ADAMTSL1: variants seen among roughly 807,000 people sequenced by gnomAD.
ADAMTSL1 encodes ADAMTS-like protein 1.
ADAMTSL1 carries 126 observed loss-of-function variants against 201.8 expected under a neutral mutation model. That is an observed-to-expected ratio of 0.62 (90% confidence interval 0.54 to 0.72). The LOEUF (loss-of-function observed/expected upper bound fraction) is 0.72, where lower values mean the gene tolerates loss of function less well. Among genes scored for constraint, ADAMTSL1 ranks in the 30% least tolerant of loss-of-function variants. The pLI is 0.00. For synonymous variants in ADAMTSL1, 1,121 were observed against 903.4 expected (o/e 1.24, Z -4.32); for missense variants, 2,679 against 2,277.8 (o/e 1.18, Z -3.59).
In ADAMTSL1 at chr9:18,127,699, G is replaced by C. The variant is rs188544444; in HGVS notation, c.88-36163G>C. ...GAGTCTTCGCTGTCAGCACTGAGAA[G>C]GTTAGTGACCTTGGGAATGGGTGGG... On this transcript the variant is annotated intron_variant, in intron 1 of 29. Coordinates refer to the ADAMTSL1 transcript ENST00000680146. Among the ~76,000 whole-genome samples, 210 of 152,268 alleles carry C rather than the reference G, an allele frequency of 1.4e-3. 1 individual carries two copies. The highest frequency in any genetic ancestry group is 4.3e-3 in the African/African-American group (179 of 41,552).
intron 4 of ADAMTSL1, among the ~76,000 whole-genome samples, chr9:18,584,368 C>G (rs1452862307): frequency 1.2e-5 from 1 of 81,988 alleles, no homozygotes; most frequent in African/African-American, 5.4e-5. Flanking sequence ...GATTGTGAGG[C>G]CCCCCCCAGC....
intron 1 of ADAMTSL1, among the ~76,000 whole-genome samples, chr9:18,135,908 C>G (rs1259818706): frequency 6.6e-6 from 1 of 152,126 alleles, no homozygotes; most frequent in African/African-American, 2.4e-5. Context: ...TGGCATACCC[C>G]TCACTCAATC....
At chr9:18,206,408 A>T (rs1034367888) in intron 2 of ADAMTSL1, among the ~76,000 whole-genome samples, 1 of 152,088 alleles carries the variant, frequency 6.6e-6, no homozygotes, top group African/African-American at 2.4e-5. Flanking sequence ...TCCCTATCTC[A>T]AATTTCCTTC....
At chr9:18,770,525 TTAAGA>T in intron 16 of ADAMTSL1, 72 bp from the exon 17 acceptor site, 1 of 1,399,570 alleles carries the variant, frequency 7.1e-7, no homozygotes, top group Non-Finnish European at 9.6e-7. Flanking sequence ...CTCTGCCAAA[TTAAGA>T]TAAGAATTAG....
At chr9:18,805,422 G>C (rs1304371274) in intron 20 of ADAMTSL1, among the ~76,000 whole-genome samples, 1 of 152,168 alleles carries the variant, frequency 6.6e-6, no homozygotes, top group Non-Finnish European at 1.5e-5. Flanking sequence ...GAAGGTCCCA[G>C]CACTGCTCCT....
chr9:18,868,735 C>T (rs980383692), intron 23 of ADAMTSL1, among the ~76,000 whole-genome samples: 8 of 152,214 alleles, frequency 5.3e-5, no homozygotes, highest in Non-Finnish European at 1.0e-4. Context: ...GGAATTTATG[C>T]AGATTTTGGG....
chr9:18,022,110 G>T (rs1473905263), intron 1 of ADAMTSL1, among the ~76,000 whole-genome samples: 1 of 152,066 alleles, frequency 6.6e-6, no homozygotes, highest in Non-Finnish European at 1.5e-5. Flanking sequence ...GGCCTGTGAT[G>T]TGTCTAAACC....
intron 1 of ADAMTSL1, among the ~76,000 whole-genome samples, chr9:17,999,581 C>G: frequency 6.7e-6 from 1 of 148,626 alleles, no homozygotes; most frequent in Admixed American, 6.7e-5. Context: ...TTTTAGTGTG[C>G]CCCCCAGAAA....
intron 2 of ADAMTSL1, among the ~76,000 whole-genome samples, chr9:18,507,061 T>C (rs1346165088): frequency 6.6e-6 from 1 of 152,168 alleles, no homozygotes; most frequent in Non-Finnish European, 1.5e-5. Flanking sequence ...GGATAGAAAA[T>C]GTAATATATA....
Position 18,619,510 on chromosome 9 carries a change from G to A in ADAMTSL1, c.475-2733G>A, listed in dbSNP as rs907946948. Among the ~76,000 whole-genome samples, 7 of 152,180 alleles carry A rather than the reference G, an allele frequency of 4.6e-5. 1 individual carries two copies. The highest frequency in any genetic ancestry group is 3.9e-4 in the Admixed American group (6 of 15,278). On this transcript the variant is annotated intron_variant, in intron 4 of 28. Transcript: ENST00000380548. ...TGACTTGGTTCATATCCTGGGGTCC[G>A]TAAACCCACACTGATAGCACTAAGT...
chr9:18,469,164 T>A (rs1669052868), upstream of ADAMTSL1, among the ~76,000 whole-genome samples: 1 of 152,130 alleles, frequency 6.6e-6, no homozygotes. Flanking sequence ...CAGTTTCCAT[T>A]TTCCTCTACC....
At chr9:18,861,151 A>G (rs1367954011) in intron 23 of ADAMTSL1, among the ~76,000 whole-genome samples, 5 of 152,096 alleles carry the variant, frequency 3.3e-5, no homozygotes, top group Admixed American at 3.3e-4. Flanking sequence ...CAGAGATCAT[A>G]TACACATCCC....
At chr9:17,926,086 C>T (rs945350677) in intron 1 of ADAMTSL1, among the ~76,000 whole-genome samples, 5 of 152,064 alleles carry the variant, frequency 3.3e-5, no homozygotes, top group Non-Finnish European at 7.3e-5. Context: ...CTGACTCATG[C>T]GGTCTGTGAT....
intron 21 of ADAMTSL1, among the ~76,000 whole-genome samples, chr9:18,817,568 T>G (rs535778235): frequency 1.3e-5 from 2 of 151,976 alleles, no homozygotes; most frequent in African/African-American, 2.4e-5. Flanking sequence ...TTCATGGAAG[T>G]AGAAAATCCT....
intron 7 of ADAMTSL1, among the ~76,000 whole-genome samples, chr9:18,651,695 A>T (rs1828270137): frequency 6.6e-6 from 1 of 152,188 alleles, no homozygotes; most frequent in Non-Finnish European, 1.5e-5. Flanking sequence ...ATCTTGGAGA[A>T]TTCTAAGGGA....
chr9:18,364,578 T>C (rs1586978376), intron 2 of ADAMTSL1, among the ~76,000 whole-genome samples: 1 of 152,140 alleles, frequency 6.6e-6, no homozygotes, highest in East Asian at 1.9e-4. Flanking sequence ...ATAACCTATA[T>C]AAACAGACCC....
At chr9:18,317,826 A>C (rs1046479472) in intron 2 of ADAMTSL1, among the ~76,000 whole-genome samples, 2 of 152,206 alleles carry the variant, frequency 1.3e-5, no homozygotes, top group African/African-American at 2.4e-5. Flanking sequence ...CCCTGTTAGA[A>C]AGTAAACTTC....
intron 9 of ADAMTSL1, among the ~76,000 whole-genome samples, chr9:18,665,728 C>A (rs1403542086): frequency 2.0e-5 from 3 of 152,054 alleles, no homozygotes; most frequent in Non-Finnish European, 2.9e-5. Context: ...CTGACAACAT[C>A]CACTGGATTC....
intron 2 of ADAMTSL1, among the ~76,000 whole-genome samples, chr9:18,287,635 A>C (rs1468266648): frequency 6.7e-5 from 2 of 29,810 alleles, no homozygotes; most frequent in South Asian, 2.8e-3. Context: ...ATATACGCAT[A>C]TATGTATGTG....
Sources: gnomAD v4.1 joint callset for allele counts (sites outside exome capture counted in the v4.1 genomes callset) on GRCh38, gnomAD v4.1.1 for gene constraint, MANE v1.5 for transcripts, NCBI Gene and HGNC (gene_info 2026-07-23, HGNC 2026-07-21) for gene names.